Variants in ADAMTS17 observed in about 807,000 individuals in gnomAD.
ADAMTS17 encodes A disintegrin and metalloproteinase with thrombospondin motifs 17.
In ADAMTS17, 113 loss-of-function variants were observed where a neutral mutation model predicts 141.5. The ratio of observed to expected loss-of-function variants is 0.80; its 90% CI spans 0.69 to 0.93. The LOEUF (loss-of-function observed/expected upper bound fraction) is 0.93. Among genes scored for constraint, ADAMTS17 ranks in the 40% least tolerant of loss-of-function variants. ADAMTS17 has a pLI of 0.00. For synonymous variants in ADAMTS17, 768 were observed against 630.6 expected, an observed-to-expected ratio of 1.22 and a Z score of -3.27; for missense variants, 1,659 against 1,517.9, an observed-to-expected ratio of 1.09 and a Z score of -1.54.
chr15:100,076,102 C>A lies in ADAMTS17; in HGVS notation c.2137+20254G>T, dbSNP rs139614589. Among the ~76,000 whole-genome samples the A allele has an allele frequency of 1.6e-3, 239 of 152,074 alleles. 2 individuals are homozygous for A. The East Asian group carries it at 0.017, about 11-fold the overall frequency. On this transcript the variant is annotated intron_variant, in intron 15 of 21. Coordinates refer to ENST00000268070, the MANE Select transcript of ADAMTS17 (RefSeq NM_139057.4). ...CTGTTGCCTAGGCTGGAGCACAGTG[C>A]CGTGATCTCAGCTCAATGCAACCTC...
intron 18 of ADAMTS17, among the ~76,000 whole-genome samples, chr15:100,034,549 C>A (rs539439613): frequency 3.3e-5 from 5 of 152,376 alleles, no homozygotes; most frequent in Non-Finnish European, 7.3e-5. Context: ...GATGCCACTG[C>A]TGGGCTTGGG....
intron 7 of ADAMTS17, among the ~76,000 whole-genome samples, chr15:100,218,058 A>C (rs1204766392): frequency 6.6e-6 from 1 of 152,094 alleles, no homozygotes; most frequent in Non-Finnish European, 1.5e-5. Flanking sequence ...TTTTCTGTAG[A>C]TACAGGGTTT....
chr15:100,160,061 C>A (rs7178505), intron 8 of ADAMTS17, among the ~76,000 whole-genome samples: 96,754 of 151,470 alleles, frequency 0.64, 31,842 homozygotes, highest in Non-Finnish European at 0.74. Flanking sequence ...AATGGCCCCC[C>A]AGTAAAGAGG....
intron 12 of ADAMTS17, among the ~76,000 whole-genome samples, chr15:100,130,816 G>A (rs1005775966): frequency 1.3e-5 from 2 of 150,664 alleles, no homozygotes; most frequent in African/African-American, 5.0e-5. Context: ...ATCATTAAAA[G>A]AAATGGTAAG....
At chr15:100,056,067 G>A (rs1176141925) in intron 15 of ADAMTS17, among the ~76,000 whole-genome samples, 1 of 152,186 alleles carries the variant, frequency 6.6e-6, no homozygotes, top group East Asian at 1.9e-4. Context: ...TTTCAAAAAG[G>A]ACAAATTCTA....
chr15:100,047,130 C>T (rs1222321855), intron 18 of ADAMTS17, among the ~76,000 whole-genome samples: 2 of 151,810 alleles, frequency 1.3e-5, no homozygotes, highest in African/African-American at 4.8e-5. Flanking sequence ...ATGAAATGAG[C>T]CCCAGTCTCC....
intron 8 of ADAMTS17, among the ~76,000 whole-genome samples, chr15:100,193,519 G>C (rs887603743): frequency 1.3e-5 from 2 of 152,340 alleles, no homozygotes; most frequent in Admixed American, 6.5e-5. Context: ...AGGCCAGAAA[G>C]AGCAACAACG....
At chr15:100,305,843 C>G (rs1435784430) in intron 3 of ADAMTS17, 1 of 152,184 alleles carries the variant, frequency 6.6e-6, no homozygotes, top group African/African-American at 2.4e-5. Context: ...TGGCAAGACA[C>G]CATCTCTAAA....
intron 20 of ADAMTS17, among the ~76,000 whole-genome samples, chr15:99,981,006 T>G (rs1309428224): frequency 6.6e-6 from 1 of 152,178 alleles, no homozygotes; most frequent in Non-Finnish European, 1.5e-5. Flanking sequence ...ACAACAATCC[T>G]CAGGGCTGAT....
intron 4 of ADAMTS17, among the ~76,000 whole-genome samples, chr15:100,273,917 T>A (rs1391547234): frequency 6.6e-6 from 1 of 152,220 alleles, no homozygotes; most frequent in Non-Finnish European, 1.5e-5. Flanking sequence ...CCAATGTCAC[T>A]TGTGATTTCT....
intron 8 of ADAMTS17, among the ~76,000 whole-genome samples, chr15:100,179,302 C>T (rs2040442963): frequency 6.6e-6 from 1 of 152,152 alleles, no homozygotes; most frequent in South Asian, 2.1e-4. Context: ...TTAGCTCCAA[C>T]AAATAAGTAG....
At position 100,118,809 on chromosome 15, in the gene ADAMTS17, C is replaced by A. The variant is rs80224438; in HGVS notation, c.1722-1796G>T. Among the ~76,000 whole-genome samples the A allele has an allele frequency of 1.4e-4, 21 of 152,244 alleles. No homozygotes were observed. The East Asian group carries it at 3.9e-3, about 28-fold the overall frequency. On this transcript the variant is annotated intron_variant, in intron 12 of 21. Coordinates refer to ENST00000268070, the MANE Select transcript of ADAMTS17 (RefSeq NM_139057.4). The stretch of plus-strand genomic sequence containing the variant: ...TAAGTGAGTCCCCACGAGCGGGCAC[C>A]GGAGAAGGAACGAGTGAGGCAGCAG...
chr15:100,200,918 G>A (rs972755286), intron 7 of ADAMTS17, among the ~76,000 whole-genome samples: 2 of 152,208 alleles, frequency 1.3e-5, no homozygotes, highest in African/African-American at 4.8e-5. Flanking sequence ...CCCCATGGCT[G>A]TCCCTCTGTC....
chr15:100,212,481 G>A (rs190080083), intron 7 of ADAMTS17, among the ~76,000 whole-genome samples: 14 of 152,284 alleles, frequency 9.2e-5, no homozygotes, highest in East Asian at 7.7e-4. Flanking sequence ...ATGCATGTGT[G>A]TATTTCTTGC....
intron 18 of ADAMTS17, among the ~76,000 whole-genome samples, chr15:100,043,914 A>C (rs910631384): frequency 6.6e-6 from 1 of 152,206 alleles, no homozygotes. Context: ...CACACACTTG[A>C]TGTTATCTAT....
chr15:100,296,587 GTGTGTGTGTGTGTGTGTA>G (rs1250075139), intron 3 of ADAMTS17, among the ~76,000 whole-genome samples: 6 of 151,802 alleles, frequency 4.0e-5, no homozygotes, highest in African/African-American at 1.2e-4. Flanking sequence ...GGGGGTGTGT[GTGTGTGTGTGTGTGTGTA>G]TGTGTGTGTG....
intron 7 of ADAMTS17, among the ~76,000 whole-genome samples, chr15:100,200,338 C>T (rs12901977): frequency 0.19 from 29,348 of 151,998 alleles, 3,042 homozygotes; most frequent in East Asian, 0.24. Context: ...ACATGGAGCC[C>T]TTGGGTGCCG....
At chr15:100,032,099 C>T (rs189894021) in intron 18 of ADAMTS17, among the ~76,000 whole-genome samples, 13 of 152,218 alleles carry the variant, frequency 8.5e-5, no homozygotes, top group South Asian at 6.2e-4. Flanking sequence ...GATTCCTGAA[C>T]GGGTATCAAA....
intron 6 of ADAMTS17, among the ~76,000 whole-genome samples, chr15:100,254,892 G>A (rs573826095): frequency 9.8e-4 from 149 of 152,304 alleles, no homozygotes; most frequent in Middle Eastern, 6.8e-3. Context: ...AATAGCTAAC[G>A]GATGCTGGGC....
Sources: allele counts gnomAD v4.1 joint callset (sites outside exome capture counted in the v4.1 genomes callset), GRCh38; gene constraint gnomAD v4.1.1; transcripts MANE v1.5; gene names NCBI Gene and HGNC (gene_info 2026-07-23, HGNC 2026-07-21).